Variants in CC2D2B observed in about 807,000 individuals in gnomAD.
The protein encoded by CC2D2B is protein CC2D2B.
Under a neutral mutation model 161.2 loss-of-function variants are expected in CC2D2B, and 128 were observed. The ratio of observed to expected loss-of-function variants is 0.79; its 90% CI spans 0.69 to 0.92. The LOEUF is 0.92. Among genes scored for constraint, CC2D2B ranks in the 40% least tolerant of loss-of-function variants. CC2D2B has a pLI of 0.00. For missense variants in CC2D2B, 1,173 were observed against 1,375.1 expected (o/e 0.85, Z 2.32); for synonymous variants, 391 against 449.8 (o/e 0.87, Z 1.65).
chr10:95,985,579 T>C (rs1347536308), intron 19 of CC2D2B, among the ~76,000 whole-genome samples: 1 of 152,154 alleles, frequency 6.6e-6, no homozygotes, highest in Non-Finnish European at 1.5e-5. Flanking sequence ...AATGTCGCCC[T>C]AGGACCCTGT....
intron 25 of CC2D2B, 131 bp from the exon 26 acceptor site, chr10:96,009,694 G>A: frequency 2.1e-6 from 1 of 471,156 alleles, no homozygotes; most frequent in Non-Finnish European, 3.7e-6. Flanking sequence ...AAGAAAAACA[G>A]ATCTTTTCTA....
chr10:95,997,550 G>A (rs1170034335), intron 24 of CC2D2B, among the ~76,000 whole-genome samples: 2 of 152,058 alleles, frequency 1.3e-5, no homozygotes, highest in African/African-American at 4.8e-5. Flanking sequence ...ACCACACCCA[G>A]CTAATTTATT....
At chr10:96,005,397 C>CT (rs1456102895) in intron 25 of CC2D2B, among the ~76,000 whole-genome samples, 7 of 152,016 alleles carry the variant, frequency 4.6e-5, no homozygotes, top group Non-Finnish European at 1.0e-4. Context: ...AGGAAAGGGC[C>CT]TTGCATTCTT....
At chr10:95,989,290 T>C (rs2077853182) in intron 20 of CC2D2B, among the ~76,000 whole-genome samples, 1 of 152,182 alleles carries the variant, frequency 6.6e-6, no homozygotes, top group Non-Finnish European at 1.5e-5. Flanking sequence ...ACGGACAATA[T>C]TAATGCTTGC....
At chr10:95,943,143 G>T (rs1244613847) in intron 9 of CC2D2B, among the ~76,000 whole-genome samples, 1 of 152,020 alleles carries the variant, frequency 6.6e-6, no homozygotes, top group East Asian at 1.9e-4. Flanking sequence ...CAGCTCCTTC[G>T]GTCCTTAACC....
chr10:95,940,019 G>T (rs2075968275), intron 9 of CC2D2B, among the ~76,000 whole-genome samples: 1 of 152,196 alleles, frequency 6.6e-6, no homozygotes, highest in Admixed American at 6.5e-5. Flanking sequence ...TGTACAGGAA[G>T]CATGATGCTG....
chr10:95,966,386 G>T (rs2076940321), intron 14 of CC2D2B, 84 bp downstream of exon 14: 1 of 469,006 alleles, frequency 2.1e-6, no homozygotes, highest in African/African-American at 2.0e-5. Flanking sequence ...GATTTCTTGG[G>T]TGAGTACCAT....
chr10:96,018,480 A>C (rs958593745), intron 30 of CC2D2B, among the ~76,000 whole-genome samples: 1 of 152,192 alleles, frequency 6.6e-6, no homozygotes, highest in Non-Finnish European at 1.5e-5. Flanking sequence ...AATATATTCT[A>C]ACCAAAGCAG....
chr10:95,964,044 A>G (rs1203121550), intron 12 of CC2D2B, among the ~76,000 whole-genome samples: 1 of 152,144 alleles, frequency 6.6e-6, no homozygotes, highest in Non-Finnish European at 1.5e-5. Context: ...GATTTCTTAT[A>G]TTGTCTTCAC....
At chr10:95,932,867 C>T (rs1173055053) in intron 6 of CC2D2B, among the ~76,000 whole-genome samples, 1 of 152,058 alleles carries the variant, frequency 6.6e-6, no homozygotes, top group Admixed American at 6.6e-5. Context: ...CTTGGGGTTG[C>T]TCTTCTCGAG....
Position 95,938,886 on chromosome 10 carries a change from G to A in CC2D2B, c.762G>A (p.Lys254=), listed in dbSNP as rs1291841911. 4 of 713,928 alleles carry A rather than the reference G, an allele frequency of 5.6e-6. No homozygotes were observed. The highest frequency in any genetic ancestry group is 1.0e-5 in the Non-Finnish European group (4 of 383,854). 44.2% of individuals were successfully genotyped at this position (713,928 alleles called of 1,614,324 possible). The change falls in exon 9 of 35, where the codon AAG becomes AAA. Residue 254 remains lysine, a synonymous_variant. Transcript: ENST00000646931. ...GGAATTTCAGACTAAATGTAAGGAA[G>A]GAACCTTTAAATCCATTACTTAAGA... is the stretch of plus-strand genomic sequence containing the variant. ...QSWNFRLNVR[K]EPLNPLLKTI...
chr10:95,924,917 C>A, intron 5 of CC2D2B, 73 bp downstream of exon 5: 1 of 935,550 alleles, frequency 1.1e-6, no homozygotes, highest in Non-Finnish European at 1.7e-6. Context: ...CAAAACTTCA[C>A]CCATTTAAAG....
chr10:95,926,589 T>C (rs1376956714), intron 5 of CC2D2B, among the ~76,000 whole-genome samples: 3 of 151,904 alleles, frequency 2.0e-5, no homozygotes, highest in Non-Finnish European at 4.4e-5. Flanking sequence ...TCATTCCTAG[T>C]AACTATGAGT....
chr10:95,995,322 G>C lies in CC2D2B; in HGVS notation c.2696G>C (p.Arg899Thr), dbSNP rs147277304. 126 of 1,532,158 alleles carry C rather than the reference G, an allele frequency of 8.2e-5. No individual in the cohort carries two copies. In the East Asian group the frequency reaches 2.6e-3, roughly 32 times the overall value. The allele number at this position is 1,532,158 out of a possible 1,614,324, so 94.9% of individuals were successfully genotyped here. A position where few individuals can be genotyped will look rare whatever the true frequency, so the allele number is the denominator to read the frequency against. ...TCATCTATATCTTGCCTCAGACATA[G>C]AGAAACAATCAAATCAGTAGCCTCA... The part of the protein sequence containing the change: ...LKSSISCLRH[R>T]ETIKSVASDE... The change falls in exon 23 of 35, where the codon AGA becomes ACA. Residue 899 changes from arginine to threonine, a missense_variant. Physicochemically the swap from Arg to Thr is moderately conservative, Grantham distance 71 (BLOSUM62 -1). Transcript: ENST00000646931.
rs1244290822 is a variant in CC2D2B, at chr10:95,938,247, T to C, written c.535+58T>C. The C allele has an allele frequency of 4.5e-6, 5 of 1,103,344 alleles. No homozygotes were observed. In the East Asian group the frequency reaches 7.7e-5, roughly 17 times the overall value. The allele number at this position is 1,103,344 out of a possible 1,614,324, so 68.3% of individuals were successfully genotyped here. A position where few individuals can be genotyped will look rare whatever the true frequency, so the allele number is the denominator to read the frequency against. Reference sequence around the variant, plus strand: ...ATTAACGAATTATGTTATGGGATAATAGCTTTATTGTATGCTGGATAAATA... The same window carrying C: ...ATTAACGAATTATGTTATGGGATAACAGCTTTATTGTATGCTGGATAAATA... On this transcript the variant is annotated intron_variant, in intron 7 of 34. Coordinates refer to ENST00000646931, the MANE Select transcript of CC2D2B (RefSeq NM_001349008.3).
At chr10:95,946,362 C>T (rs1306462480) in intron 9 of CC2D2B, among the ~76,000 whole-genome samples, 1 of 152,182 alleles carries the variant, frequency 6.6e-6, no homozygotes, top group Non-Finnish European at 1.5e-5. Flanking sequence ...GGACCAAGGG[C>T]AGAGGCTTGT....
intron 6 of CC2D2B, among the ~76,000 whole-genome samples, chr10:95,929,627 T>C (rs1435094977): frequency 6.6e-6 from 1 of 152,228 alleles, no homozygotes; most frequent in Non-Finnish European, 1.5e-5. Flanking sequence ...TAACCAGTTT[T>C]CCCAACACCA....
chr10:96,020,382 G>C (rs2079399363), intron 32 of CC2D2B: 1 of 152,916 alleles, frequency 6.5e-6, no homozygotes, highest in African/African-American at 2.4e-5. Flanking sequence ...TTTGAAAGGA[G>C]ATGGGAAGGA....
chr10:95,922,154 G>C (rs2098528683), intron 3 of CC2D2B, 78 bp downstream of exon 3: 12 of 746,866 alleles, frequency 1.6e-5, no homozygotes, highest in South Asian at 9.2e-5. Flanking sequence ...CCTGTGCCAG[G>C]GTTTCAGCTG....
Sources: gnomAD v4.1 joint callset for allele counts (sites outside exome capture counted in the v4.1 genomes callset) on GRCh38, gnomAD v4.1.1 for gene constraint, MANE v1.5 for transcripts, NCBI Gene and HGNC (gene_info 2026-07-23, HGNC 2026-07-21) for gene names.